CNTN5: variants seen among roughly 807,000 people sequenced by gnomAD.
CNTN5 encodes contactin-5.
Under a neutral mutation model 129.1 loss-of-function variants are expected in CNTN5, and 77 were observed. The observed-to-expected ratio is 0.60, with a 90% CI of 0.50 to 0.72. The LOEUF (loss-of-function observed/expected upper bound fraction) is 0.72, where lower values mean the gene tolerates loss of function less well. Ranked by LOEUF, CNTN5 falls within the 30% of genes least tolerant of loss-of-function variation. The pLI is 0.00. For missense variants in CNTN5, 1,478 were observed against 1,328.8 expected (o/e 1.11, Z -1.75); for synonymous variants, 509 against 465.6 (o/e 1.09, Z -1.20).
At position 99,061,744 on chromosome 11, in the gene CNTN5, C is replaced by A. The variant is rs530973590; in HGVS notation, c.-210+40474C>A. Among the ~76,000 whole-genome samples, 19 of 152,160 alleles carry A rather than the reference C, an allele frequency of 1.2e-4. 1 individual carries two copies. The South Asian group carries it at 1.5e-3, about 12-fold the overall frequency. ...AGTGGCCCCACGGCTGTTATCCCAG[C>A]ACTTTGGGAGACTGAGGCTAGAGGA... is the stretch of plus-strand genomic sequence containing the variant. On this transcript the variant is annotated intron_variant, in intron 1 of 24. Coordinates refer to ENST00000524871, the MANE Select transcript of CNTN5 (RefSeq NM_014361.4).
intron 3 of CNTN5, among the ~76,000 whole-genome samples, chr11:99,731,520 C>T (rs17134282): frequency 0.056 from 8,579 of 152,160 alleles, 265 homozygotes; most frequent in South Asian, 0.068. Context: ...AAATTAAGCC[C>T]TTATTTAGAG....
chr11:99,103,764 C>CAA (rs35274552), intron 1 of CNTN5, among the ~76,000 whole-genome samples: 35,385 of 128,358 alleles, frequency 0.28, 4,611 homozygotes, highest in Middle Eastern at 0.34. Context: ...AGGTGTCCTT[C>CAA]AAAAAAAAAA....
At chr11:99,383,139 G>A (rs1478685085) in intron 2 of CNTN5, among the ~76,000 whole-genome samples, 1 of 152,032 alleles carries the variant, frequency 6.6e-6, no homozygotes. Context: ...ACAGGCAGGA[G>A]CCACCACGCC....
At chr11:100,115,115 T>TA (rs11388029) in intron 13 of CNTN5, among the ~76,000 whole-genome samples, 46,553 of 78,566 alleles carry the variant, frequency 0.59, 13,068 homozygotes, top group East Asian at 0.8. Context: ...AGGTATACAG[T>TA]AAAAAAAAAA....
intron 21 of CNTN5, chr11:100,308,747 AT>A: frequency 1.9e-6 from 2 of 1,031,158 alleles, no homozygotes; most frequent in Non-Finnish European, 2.3e-6. Context: ...TAGATATTTA[AT>A]TGTATCCAAT....
intron 8 of CNTN5, among the ~76,000 whole-genome samples, chr11:99,961,218 A>AAAC (rs1231125057): frequency 1.4e-5 from 2 of 145,992 alleles, no homozygotes; most frequent in Non-Finnish European, 3.1e-5. Context: ...AAAAAAAAAA[A>AAAC]AAAAAAACAG....
At chr11:99,923,761 A>ATCTATCTATCTATCTATCTG (rs1565681809) in intron 7 of CNTN5, among the ~76,000 whole-genome samples, 7 of 85,904 alleles carry the variant, frequency 8.1e-5, no homozygotes, top group African/African-American at 3.4e-4. Context: ...CTGTCTGTCT[A>ATCTATCTATCTATCTATCTG]TCTATCTATC....
chr11:99,503,220 C>T (rs1007508345), intron 2 of CNTN5, among the ~76,000 whole-genome samples: 2 of 152,092 alleles, frequency 1.3e-5, no homozygotes, highest in African/African-American at 2.4e-5. Flanking sequence ...TTTTGTCATT[C>T]CATGCCCACC....
chr11:99,024,007 TTTA>T (rs1001925464), intron 1 of CNTN5, among the ~76,000 whole-genome samples: 5 of 152,156 alleles, frequency 3.3e-5, no homozygotes, highest in African/African-American at 1.2e-4. Context: ...TTCTTAACAC[TTTA>T]TAGCAGGAAA....
chr11:99,256,381 A>C (rs1395952305), intron 1 of CNTN5, among the ~76,000 whole-genome samples: 1 of 152,136 alleles, frequency 6.6e-6, no homozygotes, highest in Non-Finnish European at 1.5e-5. Flanking sequence ...TGTGTTTGAT[A>C]GAACTGCCAA....
intron 13 of CNTN5, among the ~76,000 whole-genome samples, chr11:100,128,471 A>T (rs1405059125): frequency 6.6e-6 from 1 of 152,152 alleles, no homozygotes; most frequent in Non-Finnish European, 1.5e-5. Flanking sequence ...TTACATGGCA[A>T]AGTGTTGCAG....
chr11:99,952,037 C>T (rs559543156), intron 7 of CNTN5, among the ~76,000 whole-genome samples: 4 of 152,252 alleles, frequency 2.6e-5, no homozygotes, highest in African/African-American at 4.8e-5. Context: ...CTCTGCTCTT[C>T]GGAGAGTAAT....
At chr11:99,936,196 T>A (rs73553309) in intron 7 of CNTN5, among the ~76,000 whole-genome samples, 1 of 152,094 alleles carries the variant, frequency 6.6e-6, no homozygotes, top group African/African-American at 2.4e-5. Flanking sequence ...ATTAAAAAAA[T>A]TTTTTACCTA....
At chr11:99,292,318 G>A (rs1464091670) in intron 1 of CNTN5, among the ~76,000 whole-genome samples, 2 of 150,926 alleles carry the variant, frequency 1.3e-5, no homozygotes, top group African/African-American at 2.4e-5. Context: ...ATCACTGAAA[G>A]GTAAAAATAT....
At chr11:99,172,117 C>T (rs548409353) in intron 1 of CNTN5, among the ~76,000 whole-genome samples, 4 of 152,288 alleles carry the variant, frequency 2.6e-5, no homozygotes, top group South Asian at 2.1e-4. Flanking sequence ...TGAGAAGCAG[C>T]GTGTCAGAAA....
Position 100,299,172 on chromosome 11 carries a change from A to T in CNTN5, c.2396A>T (p.Glu799Val), listed in dbSNP as rs1951164708. The T allele has an allele frequency of 6.2e-7, 1 of 1,601,530 alleles. No homozygotes were observed. Among genetic ancestry groups the T allele is most frequent in the South Asian group, 1.1e-5 (1 of 89,806 alleles). Residue 799 changes from glutamate (E) to valine (V), a missense_variant, in exon 20 of 25, where the codon GAA (glutamate) becomes GTA (valine). By Grantham distance (121) the Glu-to-Val change is moderately radical (BLOSUM62 -2). Coordinates refer to ENST00000524871, the MANE Select transcript of CNTN5 (RefSeq NM_014361.4). ...ATTTTTCTTCTTTAGCCAGTATCTG[A>T]AGAGTTTCAGAATGGGGAAGGCTTC... ...ELVIAWEPVS[E>V]EFQNGEGFGY...
At chr11:100,017,439 C>T (rs1293300369) in intron 9 of CNTN5, among the ~76,000 whole-genome samples, 2 of 151,904 alleles carry the variant, frequency 1.3e-5, no homozygotes, top group Admixed American at 6.6e-5. Context: ...GCAGTGTTTT[C>T]TTTCTTAGAG....
At position 99,819,629 on chromosome 11, in the gene CNTN5, T is replaced by C; in HGVS notation, c.141T>C (p.Gly47=). 2 of 1,613,072 alleles carry C rather than the reference T, an allele frequency of 1.2e-6. No homozygotes were observed. Among genetic ancestry groups the C allele is most frequent in the South Asian group, 1.1e-5 (1 of 91,086 alleles). The change falls in exon 4 of 25, where the codon GGT becomes GGC. Residue 47 remains glycine (G), a synonymous_variant. Coordinates refer to ENST00000524871, the MANE Select transcript of CNTN5 (RefSeq NM_014361.4). ...AGAGTTCATCTTCATCTCTCTTTGG[T>C]TCCAAAACCAGACCACGATACAGCA... ...IKKSSSSSLF[G]SKTRPRYSSP...
intron 13 of CNTN5, among the ~76,000 whole-genome samples, chr11:100,112,584 G>A (rs553671720): frequency 3.8e-4 from 58 of 152,194 alleles, no homozygotes; most frequent in African/African-American, 1.4e-3. Flanking sequence ...GCTTGTTACA[G>A]TTCACTTCTT....
Sources: allele counts gnomAD v4.1 joint callset (sites outside exome capture counted in the v4.1 genomes callset), GRCh38; gene constraint gnomAD v4.1.1; transcripts MANE v1.5; gene names NCBI Gene and HGNC (gene_info 2026-07-23, HGNC 2026-07-21).